The following CAMK1D variants were observed in gnomAD, a reference collection of about 807,000 sequenced individuals.
CAMK1D encodes calcium/calmodulin-dependent protein kinase type 1D.
A neutral mutation model predicts 47.7 loss-of-function variants in CAMK1D; 9 were observed. That is an observed-to-expected ratio of 0.19 (90% CI 0.11 to 0.33). The LOEUF is 0.33. Ranked by LOEUF, CAMK1D falls within the 10% of genes least tolerant of loss-of-function variation. The probability of loss-of-function intolerance (pLI) is 1.00; values close to 1 mark genes in which losing one functional copy is unlikely to be tolerated. For missense variants in CAMK1D, 291 were observed against 488.7 expected (o/e 0.60, Z 3.81); for synonymous variants, 184 against 184.9 (o/e 0.99, Z 0.04).
At chr10:12,785,784 A>G (rs1464281547) in intron 5 of CAMK1D, among the ~76,000 whole-genome samples, 2 of 152,206 alleles carry the variant, frequency 1.3e-5, no homozygotes, top group Non-Finnish European at 2.9e-5. Context: ...TCAGAGTGAG[A>G]AGTGGACTCT....
intron 3 of CAMK1D, among the ~76,000 whole-genome samples, chr10:12,756,042 T>G (rs1241565655): frequency 6.6e-6 from 1 of 152,210 alleles, no homozygotes; most frequent in Non-Finnish European, 1.5e-5. Context: ...AAATATTTGC[T>G]GTGCCACTAC....
At chr10:12,822,046 G>A (rs1833032896) in intron 8 of CAMK1D, among the ~76,000 whole-genome samples, 1 of 152,206 alleles carries the variant, frequency 6.6e-6, no homozygotes, top group Non-Finnish European at 1.5e-5. Context: ...GCCTAAGTGT[G>A]TGTATATGGA....
intron 2 of CAMK1D, among the ~76,000 whole-genome samples, chr10:12,579,590 A>G (rs1837600537): frequency 6.6e-6 from 1 of 152,090 alleles, no homozygotes; most frequent in Admixed American, 6.5e-5. Flanking sequence ...CACTGGAGCA[A>G]ACAAAAATAA....
intron 1 of CAMK1D, among the ~76,000 whole-genome samples, chr10:12,518,201 T>A (rs1321462192): frequency 6.6e-6 from 1 of 152,248 alleles, no homozygotes; most frequent in Non-Finnish European, 1.5e-5. Context: ...CAGCCACCTC[T>A]TTTTATGAAT....
intron 1 of CAMK1D, among the ~76,000 whole-genome samples, chr10:12,435,187 C>T (rs1278923967): frequency 7.2e-6 from 1 of 138,112 alleles, no homozygotes; most frequent in Non-Finnish European, 1.5e-5. Flanking sequence ...TGTGCCACTG[C>T]ACTCCGGCAT....
chr10:12,511,905 T>C (rs1835052804), intron 1 of CAMK1D, among the ~76,000 whole-genome samples: 1 of 152,230 alleles, frequency 6.6e-6, no homozygotes. Flanking sequence ...TCCTGTGAGC[T>C]TGGAGCTCCC....
chr10:12,422,683 T>C (rs79861418), intron 1 of CAMK1D, among the ~76,000 whole-genome samples: 1 of 151,570 alleles, frequency 6.6e-6, no homozygotes, highest in Admixed American at 6.6e-5. Context: ...TTTTTTTTTT[T>C]CTTTTTTGAG....
chr10:12,709,530 C>T (rs924588501), intron 3 of CAMK1D, among the ~76,000 whole-genome samples: 5 of 152,028 alleles, frequency 3.3e-5, no homozygotes, highest in African/African-American at 1.2e-4. Flanking sequence ...ATTGAGACAG[C>T]CCAAAGCTAA....
intron 9 of CAMK1D, 47 bp from the exon 10 acceptor site, chr10:12,825,526 C>T (rs750186697): frequency 3.9e-5 from 62 of 1,576,332 alleles, no homozygotes; most frequent in Non-Finnish European, 5.2e-5. Flanking sequence ...GAGTCTTTTC[C>T]GATTAGCTGA....
At chr10:12,764,265 C>T (rs1836639038) in intron 4 of CAMK1D, among the ~76,000 whole-genome samples, 1 of 150,804 alleles carries the variant, frequency 6.6e-6, no homozygotes, top group Non-Finnish European at 1.5e-5. Context: ...CCTGTAATCC[C>T]AGCTACTCAG....
intron 1 of CAMK1D, among the ~76,000 whole-genome samples, chr10:12,470,247 G>C (rs1833705216): frequency 6.6e-6 from 1 of 152,134 alleles, no homozygotes. Context: ...ATTTAGGAAA[G>C]TGTGCCATGC....
At chr10:12,801,206 G>C (rs56194799) in intron 6 of CAMK1D, among the ~76,000 whole-genome samples, 1 of 151,884 alleles carries the variant, frequency 6.6e-6, no homozygotes, top group Non-Finnish European at 1.5e-5. Context: ...GGAACTTTCA[G>C]ATGTTACATC....
At chr10:12,671,400 G>A (rs1244538091) in intron 3 of CAMK1D, among the ~76,000 whole-genome samples, 1 of 149,626 alleles carries the variant, frequency 6.7e-6, no homozygotes, top group Non-Finnish European at 1.5e-5. Context: ...CAAAATGACT[G>A]TACCATTTTA....
At chr10:12,520,621 C>T (rs1389464339) in intron 1 of CAMK1D, among the ~76,000 whole-genome samples, 1 of 50,366 alleles carries the variant, frequency 2.0e-5, no homozygotes, top group Non-Finnish European at 4.0e-5. Context: ...CACGCCACTG[C>T]ACTCCAGCCT....
chr10:12,432,472 TAAATC>T (rs144229981), intron 1 of CAMK1D, among the ~76,000 whole-genome samples: 100,579 of 151,678 alleles, frequency 0.66, 36,505 homozygotes, highest in Non-Finnish European at 0.82. Context: ...AATTAATAAA[TAAATC>T]AATGAATGAG....
intron 1 of CAMK1D, among the ~76,000 whole-genome samples, chr10:12,378,760 T>C (rs940975751): frequency 3.3e-5 from 5 of 151,998 alleles, no homozygotes; most frequent in African/African-American, 1.2e-4. Flanking sequence ...AAGGTTTTTT[T>C]CTCATGAGAT....
intron 3 of CAMK1D, among the ~76,000 whole-genome samples, chr10:12,734,540 A>ATG (rs1475479875): frequency 2.0e-5 from 3 of 147,024 alleles, no homozygotes; most frequent in East Asian, 3.9e-4. Context: ...ATACACACAT[A>ATG]TGTATATATG....
At chr10:12,492,050 GCTGAGATCA>G (rs1226173123) in intron 1 of CAMK1D, among the ~76,000 whole-genome samples, 1 of 152,180 alleles carries the variant, frequency 6.6e-6, no homozygotes, top group Non-Finnish European at 1.5e-5. Context: ...CTCCCAAACT[GCTGAGATCA>G]CAGGTGTGAG....
intron 5 of CAMK1D, among the ~76,000 whole-genome samples, chr10:12,782,167 G>A (rs949692164): frequency 3.3e-5 from 5 of 152,192 alleles, no homozygotes; most frequent in East Asian, 1.9e-4. Context: ...GGCAGAGAAC[G>A]CTCCTGTGTT....
Sources: allele counts gnomAD v4.1 joint callset (sites outside exome capture counted in the v4.1 genomes callset), GRCh38; gene constraint gnomAD v4.1.1; transcripts MANE v1.5; gene names NCBI Gene and HGNC (gene_info 2026-07-23, HGNC 2026-07-21).